SH3KBP1: variants seen among roughly 807,000 people sequenced by gnomAD.
The protein encoded by SH3KBP1 is SH3 domain-containing kinase-binding protein 1.
A neutral mutation model predicts 50.1 loss-of-function variants in SH3KBP1; 8 were observed. That is an observed-to-expected ratio of 0.16 (90% CI 0.09 to 0.29). The LOEUF (loss-of-function observed/expected upper bound fraction) is 0.29. Ranked by LOEUF, SH3KBP1 falls within the 10% of genes least tolerant of loss-of-function variation. SH3KBP1 has a pLI of 1.00. For synonymous variants in SH3KBP1, 227 were observed against 218.6 expected (o/e 1.04, Z -0.34); for missense variants, 377 against 535.2 (o/e 0.70, Z 2.92).
At chrX:19,618,548 AC>A (rs765043860) in intron 8 of SH3KBP1, among the ~76,000 whole-genome samples, 1 of 111,751 alleles carries the variant, frequency 8.9e-6, no homozygotes, top group Non-Finnish European at 1.9e-5. Flanking sequence ...ACAAAAAAAT[AC>A]CAGAATTATT....
intron 12 of SH3KBP1, among the ~76,000 whole-genome samples, chrX:19,582,211 C>T (rs1305404412): frequency 1.8e-5 from 2 of 112,374 alleles, no homozygotes; most frequent in African/African-American, 6.5e-5. Flanking sequence ...TTCTCAGCCA[C>T]CGGCCAAAGC....
chrX:19,556,143 A>G (rs1020620260), intron 13 of SH3KBP1, among the ~76,000 whole-genome samples: 3 of 112,545 alleles, frequency 2.7e-5, no homozygotes, highest in Non-Finnish European at 3.7e-5. Context: ...CATCAGCTTC[A>G]TAAGATTATT....
At chrX:19,857,028 C>T (rs1299099394) in intron 1 of SH3KBP1, among the ~76,000 whole-genome samples, 1 of 79,911 alleles carries the variant, frequency 1.3e-5, no homozygotes, top group Non-Finnish European at 2.2e-5. Flanking sequence ...CAACTCCAAA[C>T]TCATCCTCCC....
chrX:19,648,434 AGGAAGGAAGGAG>A (rs1305838546), intron 6 of SH3KBP1, among the ~76,000 whole-genome samples: 7 of 98,277 alleles, frequency 7.1e-5, no homozygotes, highest in African/African-American at 1.5e-4. Flanking sequence ...GAAGGAGGGA[AGGAAGGAAGGAG>A]GGAAGGAGGG....
chrX:19,683,899 T>C lies in SH3KBP1; in HGVS notation c.650A>G (p.Asp217Gly). ...TTTGATTGGCTTGTCTTTGAAAATGTCTCCAAAGCCCACTCCCTTAACTTT... is the reference window on the plus strand; with the variant it reads ...TTTGATTGGCTTGTCTTTGAAAATGCCTCCAAAGCCCACTCCCTTAACTTT... ...PKKVKGVGFG[D>G]IFKDKPIKLR... The change falls in exon 6 of 18, where the codon GAC becomes GGC. Residue 217 changes from aspartate to glycine, a missense_variant. Around this residue, in one of 3 missense-constraint regions of SH3KBP1, gnomAD observed 257 missense variants for 374.2 expected, o/e 0.69. Transcript: ENST00000397821. The C allele has an allele frequency of 8.3e-7, 1 of 1,211,506 alleles. No individual in the cohort carries two copies. Among genetic ancestry groups the C allele is most frequent in the Non-Finnish European group, 1.1e-6 (1 of 895,134 alleles).
chrX:19,584,310 T>TAATACATATTTATAAATAC (rs2147944526), intron 12 of SH3KBP1, among the ~76,000 whole-genome samples: 2 of 94,459 alleles, frequency 2.1e-5, no homozygotes, highest in Admixed American at 2.5e-4. Context: ...TTTATAAATA[T>TAATACATATTTATAAATAC]GTATTTATAA....
intron 8 of SH3KBP1, among the ~76,000 whole-genome samples, chrX:19,622,614 A>G (rs1444038769): frequency 8.9e-6 from 1 of 112,662 alleles, no homozygotes; most frequent in Non-Finnish European, 1.9e-5. Flanking sequence ...ATGCACACAG[A>G]GATGAGTAAC....
chrX:19,748,884 C>T (rs1441179856), intron 2 of SH3KBP1, among the ~76,000 whole-genome samples: 1 of 111,397 alleles, frequency 9.0e-6, no homozygotes, highest in African/African-American at 3.3e-5. Context: ...TAAGCAGTCG[C>T]CCAGTCTGGC....
chrX:19,878,162 A>C (rs936390339), intron 1 of SH3KBP1, among the ~76,000 whole-genome samples: 1 of 112,059 alleles, frequency 8.9e-6, no homozygotes, highest in African/African-American at 3.2e-5. Context: ...TTGAAAACCA[A>C]GTGCTCATGA....
intron 6 of SH3KBP1, among the ~76,000 whole-genome samples, chrX:19,659,410 C>T (rs1326456936): frequency 7.5e-5 from 8 of 107,311 alleles, no homozygotes; most frequent in Non-Finnish European, 1.5e-4. Context: ...CCACTGTGCC[C>T]GGCCACATGC....
chrX:19,578,589 G>A (rs1160612708), intron 12 of SH3KBP1, among the ~76,000 whole-genome samples: 1 of 112,086 alleles, frequency 8.9e-6, no homozygotes, highest in Non-Finnish European at 1.9e-5. Flanking sequence ...CAGATGGAAA[G>A]TTCCTCATGC....
In SH3KBP1 at chrX:19,838,005, A is replaced by C. The variant is rs945268004; in HGVS notation, c.5-1723T>G. On this transcript the variant is annotated intron_variant, in intron 1 of 17. Coordinates refer to ENST00000397821, the MANE Select transcript of SH3KBP1 (RefSeq NM_031892.3). ...GAATGGATAGGAGAAAATCTTAATGACCTTAGGTTTGGCAAAGATTTCTTA... is the reference window on the plus strand; with the variant it reads ...GAATGGATAGGAGAAAATCTTAATGCCCTTAGGTTTGGCAAAGATTTCTTA... Among the ~76,000 whole-genome samples, 4 of 110,690 alleles carry C rather than the reference A, an allele frequency of 3.6e-5. No individual in the cohort carries two copies. The Admixed American group carries it at 3.9e-4, about 11-fold the overall frequency.
At chrX:19,664,522 C>A (rs901873768) in intron 6 of SH3KBP1, among the ~76,000 whole-genome samples, 1 of 111,643 alleles carries the variant, frequency 9.0e-6, no homozygotes, top group Non-Finnish European at 1.9e-5. Context: ...TTATCCAGAC[C>A]ACTTTTCTCT....
At chrX:19,704,849 A>G (rs975479559) in intron 4 of SH3KBP1, among the ~76,000 whole-genome samples, 2 of 112,326 alleles carry the variant, frequency 1.8e-5, no homozygotes, top group Admixed American at 9.4e-5. Context: ...ATACAACTTA[A>G]TTCTCCTTCT....
intron 6 of SH3KBP1, among the ~76,000 whole-genome samples, chrX:19,669,152 G>C (rs1055573586): frequency 2.0e-5 from 2 of 100,349 alleles, no homozygotes; most frequent in Admixed American, 1.1e-4. Context: ...TTTTCGTAGA[G>C]TTGGGGTTTT....
At chrX:19,791,012 C>T (rs764963656) in intron 2 of SH3KBP1, among the ~76,000 whole-genome samples, 1 of 111,203 alleles carries the variant, frequency 9.0e-6, no homozygotes, top group African/African-American at 3.3e-5. Flanking sequence ...CAGTTTCAGG[C>T]CAACCCCAGG....
At chrX:19,668,093 T>C (rs2062654737) in intron 6 of SH3KBP1, among the ~76,000 whole-genome samples, 1 of 111,486 alleles carries the variant, frequency 9.0e-6, no homozygotes, top group Non-Finnish European at 1.9e-5. Context: ...CATGAGGCTA[T>C]CTGACAGAAG....
At position 19,608,080 on chromosome X, in the gene SH3KBP1, G is replaced by A. The variant is rs375693998; in HGVS notation, c.898-35C>T. On this transcript the variant is annotated intron_variant, in intron 8 of 17. Coordinates refer to ENST00000397821, the MANE Select transcript of SH3KBP1 (RefSeq NM_031892.3). ...AGGAGAACAGAGAGTGAGAGATGGG[G>A]GCAAGCAGCCTCCAGAGGGGTGTAA... 12 of 1,132,655 alleles carry A rather than the reference G, an allele frequency of 1.1e-5. No individual in the cohort carries two copies. In the African/African-American group the frequency reaches 1.4e-4, roughly 14 times the overall value. 93.3% of individuals were successfully genotyped at this position (1,132,655 alleles called of 1,213,427 possible). A position where few individuals can be genotyped will look rare whatever the true frequency, so the allele number is the denominator to read the frequency against.
intron 1 of SH3KBP1, among the ~76,000 whole-genome samples, chrX:19,842,104 CTTTT>C (rs1358812360): frequency 8.9e-6 from 1 of 111,847 alleles, no homozygotes; most frequent in African/African-American, 3.3e-5. Flanking sequence ...TATGAAGAAT[CTTTT>C]TGGGGTGACG....
Sources: allele counts gnomAD v4.1 joint callset (sites outside exome capture counted in the v4.1 genomes callset), GRCh38; gene constraint gnomAD v4.1.1; regional missense constraint gnomAD v4.1.1; transcripts MANE v1.5; gene names NCBI Gene and HGNC (gene_info 2026-07-23, HGNC 2026-07-21).